The following MAP3K13 variants were observed in gnomAD, a reference collection of about 807,000 sequenced individuals.
MAP3K13 encodes the protein mitogen-activated protein kinase kinase kinase 13.
In MAP3K13, 52 loss-of-function variants were observed where a neutral mutation model predicts 104.0. The observed-to-expected ratio is 0.50, with a 90% CI of 0.40 to 0.63. The LOEUF (loss-of-function observed/expected upper bound fraction) is 0.63, where lower values mean the gene tolerates loss of function less well. Among genes scored for constraint, MAP3K13 ranks in the 20% least tolerant of loss-of-function variants. The pLI, the probability that MAP3K13 is intolerant of heterozygous loss-of-function variation, is 0.00. For synonymous variants in MAP3K13, 394 were observed against 442.2 expected, an observed-to-expected ratio of 0.89 and a Z score of 1.37; for missense variants, 914 against 1,218.5, an observed-to-expected ratio of 0.75 and a Z score of 3.72.
intron 2 of MAP3K13, among the ~76,000 whole-genome samples, chr3:185,345,534 C>G (rs1722889887): frequency 1.3e-5 from 2 of 152,164 alleles, no homozygotes; most frequent in South Asian, 4.1e-4. Context: ...CCTGAGTTCC[C>G]CCTCCTGTCA....
At chr3:185,361,683 A>G (rs904298015), upstream of MAP3K13, among the ~76,000 whole-genome samples, 5 of 152,200 alleles carry the variant, frequency 3.3e-5, no homozygotes, top group South Asian at 2.1e-4. Context: ...GATTACAGGC[A>G]TGAGCCACCG....
intron 8 of MAP3K13, among the ~76,000 whole-genome samples, chr3:185,464,607 A>T (rs57654707): frequency 0.57 from 86,185 of 152,010 alleles, 24,727 homozygotes; most frequent in East Asian, 0.7. Context: ...AGGCCTTCCC[A>T]GCCATGCAAA....
At chr3:185,354,937 A>G (rs1723289161) in intron 2 of MAP3K13, among the ~76,000 whole-genome samples, 1 of 152,226 alleles carries the variant, frequency 6.6e-6, no homozygotes, top group Non-Finnish European at 1.5e-5. Context: ...ATTTAAAAGT[A>G]TAGTCAGTTT....
chr3:185,359,098 A>C (rs998499299), upstream of MAP3K13, among the ~76,000 whole-genome samples: 8 of 152,224 alleles, frequency 5.3e-5, no homozygotes, highest in South Asian at 2.1e-4. Flanking sequence ...TTACAAAAGA[A>C]AGAGGTTTAA....
chr3:185,329,260 A>G (rs1313565154), intron 2 of MAP3K13: 8 of 702,990 alleles, frequency 1.1e-5, no homozygotes, highest in Non-Finnish European at 2.1e-5. Flanking sequence ...GTGAGTATGT[A>G]CCTAGTGCCG....
At position 185,442,271 on chromosome 3, in the gene MAP3K13, G is replaced by A. The variant is rs573524602; in HGVS notation, c.660-1174G>A. On this transcript the variant is annotated intron_variant, in intron 3 of 13. Transcript: ENST00000265026. The stretch of plus-strand genomic sequence containing the variant: ...GGGTGTTCCCACTCACGGGTGAGAT[G>A]TGCCTCCCTCCAACCTTGTTACGAC... 1.1e-4 allele frequency among the ~76,000 whole-genome samples: 17 copies of A among 151,308 alleles called. No individual in the cohort carries two copies. The East Asian group carries it at 2.9e-3, about 26-fold the overall frequency.
chr3:185,447,388 G>C (rs1715647235), intron 4 of MAP3K13, among the ~76,000 whole-genome samples: 1 of 150,648 alleles, frequency 6.6e-6, no homozygotes, highest in South Asian at 2.1e-4. Context: ...CTACTTGGGA[G>C]GCTGGGGCAA....
intron 2 of MAP3K13, among the ~76,000 whole-genome samples, chr3:185,352,433 A>G (rs13087435): frequency 0.47 from 71,204 of 151,728 alleles, 18,420 homozygotes; most frequent in Middle Eastern, 0.63. Context: ...AACAAGAGCA[A>G]AACTCTGTCT....
chr3:185,454,537 TATATATATGATATATACACATATATATG>T (rs1716188362), intron 7 of MAP3K13, among the ~76,000 whole-genome samples: 2 of 19,994 alleles, frequency 1.0e-4, no homozygotes, highest in Non-Finnish European at 3.4e-4. Flanking sequence ...ATATATGAGA[TATATATATGATATATACACATATATATG>T]ATATATATGA....
At chr3:185,348,773 T>C (rs1723028698) in intron 2 of MAP3K13, among the ~76,000 whole-genome samples, 1 of 152,004 alleles carries the variant, frequency 6.6e-6, no homozygotes, top group African/African-American at 2.4e-5. Context: ...AAAAATTAGC[T>C]GGGCGTGGTG....
At chr3:185,434,609 T>C (rs1231475351) in intron 2 of MAP3K13, among the ~76,000 whole-genome samples, 1 of 152,156 alleles carries the variant, frequency 6.6e-6, no homozygotes. Flanking sequence ...ATACATGATA[T>C]GTGAAAAAGT....
At chr3:185,297,147 A>C (rs755976468) in intron 2 of MAP3K13, among the ~76,000 whole-genome samples, 53 of 152,300 alleles carry the variant, frequency 3.5e-4, no homozygotes, top group Non-Finnish European at 7.4e-4. Flanking sequence ...CTAAAAAAAA[A>C]CTTGCTTTCT....
chr3:185,409,214 A>G (rs1379444854), intron 1 of MAP3K13, among the ~76,000 whole-genome samples: 10 of 152,242 alleles, frequency 6.6e-5, no homozygotes, highest in African/African-American at 2.4e-4. Flanking sequence ...CCAAAAATAC[A>G]AAAATTAGCC....
rs1416225500 is a variant in MAP3K13, at chr3:185,487,798, G to GT, written c.*5343dup. The GT allele has an allele frequency of 1.3e-5, 2 of 152,098 alleles. No individual in the cohort carries two copies. The highest frequency in any genetic ancestry group is 2.4e-5 in the African/African-American group (1 of 41,412). 9.4% of individuals were successfully genotyped at this position (152,098 alleles called of 1,614,324 possible). On this transcript the variant is annotated 3_prime_UTR_variant, in exon 14 of 14. Transcript: ENST00000265026. ...AGACCAACATTATGTATTGAGCATC[G>GT]TATCTTTCCTACTGAGCCTAGACAC...
rs562510584 is a variant in MAP3K13, at chr3:185,420,203, T to G, written c.-85-8294T>G. 8.8e-4 allele frequency among the ~76,000 whole-genome samples: 134 copies of G among 152,184 alleles called. 1 individual carries two copies. The highest frequency in any genetic ancestry group is 3.1e-3 in the African/African-American group (127 of 41,506). ...GGTCAGTGGATTTTGTCGATTTGAG[T>G]TTTTATTGTTCCTTCAAATAGGCGT... On this transcript the variant is annotated intron_variant, in intron 1 of 13. Transcript: ENST00000265026.
At chr3:185,460,768 C>A (rs1717052346) in intron 7 of MAP3K13, among the ~76,000 whole-genome samples, 1 of 152,166 alleles carries the variant, frequency 6.6e-6, no homozygotes, top group Admixed American at 6.5e-5. Flanking sequence ...GAGGGAACTT[C>A]TTTTCTGGAA....
chr3:185,478,875 A>C (rs1189879368), intron 12 of MAP3K13, among the ~76,000 whole-genome samples: 1 of 151,810 alleles, frequency 6.6e-6, no homozygotes, highest in Non-Finnish European at 1.5e-5. Context: ...CTGTCTCAAA[A>C]AAAAAAAAAG....
chr3:185,481,014 A>T (rs896348959), intron 13 of MAP3K13, among the ~76,000 whole-genome samples: 5 of 152,172 alleles, frequency 3.3e-5, no homozygotes, highest in African/African-American at 1.2e-4. Flanking sequence ...GAGCCAAACC[A>T]TATCAGGCCT....
intron 2 of MAP3K13, among the ~76,000 whole-genome samples, chr3:185,313,914 A>G (rs560143597): frequency 6.6e-6 from 1 of 152,220 alleles, no homozygotes; most frequent in Non-Finnish European, 1.5e-5. Context: ...CTGATGGGGA[A>G]TGCTGCTCTG....
Sources: allele counts gnomAD v4.1 joint callset (sites outside exome capture counted in the v4.1 genomes callset), GRCh38; gene constraint gnomAD v4.1.1; transcripts MANE v1.5; gene names NCBI Gene and HGNC (gene_info 2026-07-23, HGNC 2026-07-21).